The following GYPC variants were observed in gnomAD, a reference collection of about 807,000 sequenced individuals.
GYPC encodes glycophorin C (Gerbich blood group), also known as glycophorin-C.
GYPC carries 14 observed loss-of-function variants against 12.6 expected under a neutral mutation model. The observed-to-expected ratio is 1.11, with a 90% CI of 0.74 to 1.74. The LOEUF (loss-of-function observed/expected upper bound fraction) is 1.74. GYPC is among the 40% of genes most tolerant of loss of function. The probability of loss-of-function intolerance (pLI) is 0.00; values close to 1 mark genes in which losing one functional copy is unlikely to be tolerated. For synonymous variants in GYPC, 78 were observed against 62.1 expected (o/e 1.26, Z -1.20); for missense variants, 225 against 172.1 (o/e 1.31, Z -1.72).
At chr2:126,684,911 A>G (rs1280463160) in intron 1 of GYPC, among the ~76,000 whole-genome samples, 2 of 152,158 alleles carry the variant, frequency 1.3e-5, no homozygotes, top group Non-Finnish European at 2.9e-5. Flanking sequence ...GCCAAGTCAT[A>G]TGCTTCAGGG....
At chr2:126,693,250 A>G (rs1271184194) in intron 2 of GYPC, among the ~76,000 whole-genome samples, 2 of 152,130 alleles carry the variant, frequency 1.3e-5, no homozygotes, top group Non-Finnish European at 2.9e-5. Context: ...ATAAAAGCAA[A>G]TTCAGCTTTC....
intron 1 of GYPC, among the ~76,000 whole-genome samples, chr2:126,673,164 C>CT (rs968389770): frequency 1.4e-4 from 21 of 152,160 alleles, no homozygotes; most frequent in Admixed American, 6.5e-4. Flanking sequence ...CACAAGGGCT[C>CT]TTTCTGTGCT....
At chr2:126,682,594 C>T (rs536688662) in intron 1 of GYPC, among the ~76,000 whole-genome samples, 1 of 152,326 alleles carries the variant, frequency 6.6e-6, no homozygotes, top group South Asian at 2.1e-4. Context: ...CTCTGTTCTC[C>T]TTCCACTTCC....
intron 1 of GYPC, among the ~76,000 whole-genome samples, chr2:126,676,409 C>T (rs952189698): frequency 1.3e-5 from 2 of 152,236 alleles, no homozygotes; most frequent in Non-Finnish European, 2.9e-5. Flanking sequence ...TAGACATTAA[C>T]TGGTTGTCCA....
intron 1 of GYPC, chr2:126,680,520 G>A (rs1683124139): frequency 1.3e-5 from 2 of 152,240 alleles, no homozygotes; most frequent in South Asian, 2.1e-4. Flanking sequence ...AACAAACTCA[G>A]GGAGCTCGAG....
chr2:126,667,651 C>T (rs190491266), intron 1 of GYPC, among the ~76,000 whole-genome samples: 19 of 152,282 alleles, frequency 1.2e-4, no homozygotes, highest in African/African-American at 4.6e-4. Flanking sequence ...GATCCGCCCG[C>T]CTTGGCCTCC....
At chr2:126,658,354 C>G (rs978604774) in intron 1 of GYPC, 2 of 152,234 alleles carry the variant, frequency 1.3e-5, no homozygotes, top group African/African-American at 4.8e-5. Flanking sequence ...CCCTGGGGAG[C>G]AAAGGGTTGT....
intron 1 of GYPC, among the ~76,000 whole-genome samples, chr2:126,671,834 G>A (rs558248357): frequency 5.9e-5 from 9 of 152,352 alleles, no homozygotes; most frequent in African/African-American, 2.2e-4. Context: ...GGGCTGGGTG[G>A]CCAGTGAAGC....
intron 3 of GYPC, among the ~76,000 whole-genome samples, chr2:126,695,183 C>G (rs1453902782): frequency 6.6e-6 from 1 of 152,178 alleles, no homozygotes; most frequent in African/African-American, 2.4e-5. Flanking sequence ...ATAGCCTCAT[C>G]TTTTTTCCCC....
At chr2:126,666,538 G>C (rs1401876115) in intron 1 of GYPC, among the ~76,000 whole-genome samples, 1 of 152,138 alleles carries the variant, frequency 6.6e-6, no homozygotes, top group Non-Finnish European at 1.5e-5. Context: ...TGCAATAGAG[G>C]AGCCAGACTG....
intron 3 of GYPC, among the ~76,000 whole-genome samples, chr2:126,694,471 C>G (rs866102915): frequency 1.3e-5 from 2 of 151,984 alleles, no homozygotes; most frequent in African/African-American, 4.8e-5. Flanking sequence ...GTGTGCTCTG[C>G]GACCTTCTTT....
chr2:126,665,649 C>T (rs1682658427), intron 1 of GYPC, among the ~76,000 whole-genome samples: 1 of 152,146 alleles, frequency 6.6e-6, no homozygotes, highest in Non-Finnish European at 1.5e-5. Context: ...AGATGGGGGC[C>T]CAAGGGATGC....
Position 126,666,822 on chromosome 2 carries a change from G to A in GYPC, c.49+10510G>A, listed in dbSNP as rs150067425. On this transcript the variant is annotated intron_variant, in intron 1 of 3. Coordinates refer to ENST00000259254, the MANE Select transcript of GYPC (RefSeq NM_002101.5). The stretch of plus-strand genomic sequence containing the variant: ...ACACACCATCTCCTTGCGTTTCTTA[G>A]CAGCAGACAGGTATCAGCCCCAGAC... Among the ~76,000 whole-genome samples, 269 of 151,266 alleles carry A rather than the reference G, an allele frequency of 1.8e-3. 1 individual carries two copies. Among genetic ancestry groups the A allele is most frequent in the Middle Eastern group, 6.8e-3 (2 of 294 alleles).
intron 1 of GYPC, among the ~76,000 whole-genome samples, chr2:126,670,201 G>A (rs1682807507): frequency 6.6e-6 from 1 of 152,190 alleles, no homozygotes; most frequent in Non-Finnish European, 1.5e-5. Context: ...GCTGCAGCAC[G>A]CCACTGCCCA....
rs796551796 is a variant in GYPC, at chr2:126,681,000, C to A, written c.50-9255C>A. On this transcript the variant is annotated intron_variant, in intron 1 of 3. Coordinates refer to ENST00000259254, the MANE Select transcript of GYPC (RefSeq NM_002101.5). ...GGACCTTAACAGACCTTCTAGTCGG[C>A]GACTTTGAAGATTCTTCAAGACAAT... Among the ~76,000 whole-genome samples, 9 of 152,202 alleles carry A rather than the reference C, an allele frequency of 5.9e-5. No homozygotes were observed. The East Asian group carries it at 1.7e-3, about 29-fold the overall frequency.
At chr2:126,672,606 A>G (rs1682882023) in intron 1 of GYPC, among the ~76,000 whole-genome samples, 1 of 152,040 alleles carries the variant, frequency 6.6e-6, no homozygotes, top group African/African-American at 2.4e-5. Context: ...ATGTGCATGG[A>G]CCCCTCAACC....
intron 3 of GYPC, 82 bp downstream of exon 3, chr2:126,694,029 A>T: frequency 1.0e-6 from 1 of 973,860 alleles, no homozygotes; most frequent in Non-Finnish European, 1.7e-6. Flanking sequence ...TGACCTAAGG[A>T]CTTGGGCAGT....
intron 1 of GYPC, among the ~76,000 whole-genome samples, chr2:126,667,641 G>T (rs1276962954): frequency 6.6e-6 from 1 of 151,918 alleles, no homozygotes; most frequent in Non-Finnish European, 1.5e-5. Context: ...GACCTCAGGT[G>T]ATCCGCCCGC....
chr2:126,693,360 A>T (rs972434793), intron 2 of GYPC, among the ~76,000 whole-genome samples: 2 of 152,150 alleles, frequency 1.3e-5, no homozygotes, highest in Admixed American at 1.3e-4. Context: ...GGCCCTCACC[A>T]GATGCAGCTG....
Sources: allele counts gnomAD v4.1 joint callset (sites outside exome capture counted in the v4.1 genomes callset), GRCh38; gene constraint gnomAD v4.1.1; transcripts MANE v1.5; gene names NCBI Gene and HGNC (gene_info 2026-07-23, HGNC 2026-07-21).